Variants in MLLT3 observed in about 807,000 individuals in gnomAD.
MLLT3 encodes the protein protein AF-9.
Under a neutral mutation model 53.2 loss-of-function variants are expected in MLLT3, and 4 were observed. The ratio of observed to expected loss-of-function variants is 0.08; its 90% CI spans 0.04 to 0.17. The LOEUF (loss-of-function observed/expected upper bound fraction) is 0.17. MLLT3 is among the 10% of genes least tolerant of loss of function. The probability of loss-of-function intolerance (pLI) is 1.00; values close to 1 mark genes in which losing one functional copy is unlikely to be tolerated. For missense variants in MLLT3, 569 were observed against 684.0 expected (o/e 0.83, Z 1.87); for synonymous variants, 283 against 230.6 (o/e 1.23, Z -2.06).
At chr9:20,420,353 C>A (rs1822976515) in intron 4 of MLLT3, among the ~76,000 whole-genome samples, 1 of 151,924 alleles carries the variant, frequency 6.6e-6, no homozygotes, top group Non-Finnish European at 1.5e-5. Context: ...AAGGCTGTTA[C>A]AAGAAATACT....
chr9:20,508,728 A>C (rs1825446621), intron 2 of MLLT3, among the ~76,000 whole-genome samples: 1 of 152,214 alleles, frequency 6.6e-6, no homozygotes, highest in Admixed American at 6.5e-5. Flanking sequence ...GGCTAAAAAG[A>C]TTTGACATGT....
chr9:20,359,669 G>C (rs921366955), intron 8 of MLLT3, among the ~76,000 whole-genome samples: 2 of 152,186 alleles, frequency 1.3e-5, no homozygotes, highest in African/African-American at 4.8e-5. Flanking sequence ...AAAGTCTTCA[G>C]CTCTAAACTA....
chr9:20,606,296 A>G lies in MLLT3; in HGVS notation c.193+14358T>C, dbSNP rs1329820687. Among the ~76,000 whole-genome samples, 4 of 151,418 alleles carry G rather than the reference A, an allele frequency of 2.6e-5. No homozygotes were observed. In the East Asian group the frequency reaches 7.7e-4, roughly 29 times the overall value. ...GACTGGTTATTCAAGTCTTTTAAATACTATTTTATTGAGGGATTGCAGGAG... is the reference window on the plus strand; with the variant it reads ...GACTGGTTATTCAAGTCTTTTAAATGCTATTTTATTGAGGGATTGCAGGAG... On this transcript the variant is annotated intron_variant, in intron 2 of 10. Coordinates refer to ENST00000380338, the MANE Select transcript of MLLT3 (RefSeq NM_004529.4).
chr9:20,412,654 T>C lies in MLLT3; in HGVS notation c.1125+1067A>G, dbSNP rs546064761. ...GGACAGAAAGAAAAGTGTTCTAAGA[T>C]TGCCAGTTATTTTTAGCCAGATAGC... On this transcript the variant is annotated intron_variant, in intron 5 of 10. Transcript: ENST00000380338. 4.6e-5 allele frequency among the ~76,000 whole-genome samples: 7 copies of C among 152,288 alleles called. No individual in the cohort carries two copies. The East Asian group carries it at 1.2e-3, about 25-fold the overall frequency.
At chr9:20,584,253 T>C (rs1348671038) in intron 2 of MLLT3, among the ~76,000 whole-genome samples, 5 of 152,186 alleles carry the variant, frequency 3.3e-5, no homozygotes, top group Non-Finnish European at 7.3e-5. Context: ...GCCTAGACTT[T>C]ATTGTTCATA....
In MLLT3 at chr9:20,465,721, A is replaced by T. The variant is rs541347343; in HGVS notation, c.194-8935T>A. Among the ~76,000 whole-genome samples, 9 of 152,228 alleles carry T rather than the reference A, an allele frequency of 5.9e-5. 1 individual carries two copies. The highest frequency in any genetic ancestry group is 1.9e-4 in the African/African-American group (8 of 41,562). The stretch of plus-strand genomic sequence containing the variant: ...CTTCAGAGGAAGGATTAAGAACAAG[A>T]TTTCTTTTCAGCATCTTGTGAGCTC... On this transcript the variant is annotated intron_variant, in intron 2 of 10. Transcript: ENST00000380338.
intron 2 of MLLT3, among the ~76,000 whole-genome samples, chr9:20,519,372 A>G (rs1462670598): frequency 6.6e-6 from 1 of 152,168 alleles, no homozygotes; most frequent in Admixed American, 6.5e-5. Context: ...TGTAGACCTA[A>G]ATTTATTCCA....
At chr9:20,494,101 T>A (rs1467906101) in intron 2 of MLLT3, among the ~76,000 whole-genome samples, 1 of 152,114 alleles carries the variant, frequency 6.6e-6, no homozygotes, top group Non-Finnish European at 1.5e-5. Flanking sequence ...GATAACAAAG[T>A]CAAGCTGAAA....
chr9:20,618,204 T>C (rs930547951), intron 2 of MLLT3, among the ~76,000 whole-genome samples: 1 of 152,230 alleles, frequency 6.6e-6, no homozygotes, highest in Non-Finnish European at 1.5e-5. Flanking sequence ...CAATTTCCAA[T>C]TGGTAGAATT....
chr9:20,428,628 A>G lies in MLLT3; in HGVS notation c.421-14203T>C, dbSNP rs184049259. On this transcript the variant is annotated intron_variant, in intron 4 of 10. Coordinates refer to ENST00000380338, the MANE Select transcript of MLLT3 (RefSeq NM_004529.4). ...TGATGGATGATAAATGCACAGAAGA[A>G]TAATAAACTCAAGCAAAAGAAAGAC... Among the ~76,000 whole-genome samples the G allele has an allele frequency of 1.9e-3, 292 of 152,218 alleles. 2 individuals carry two copies. The highest frequency in any genetic ancestry group is 6.8e-3 in the Middle Eastern group (2 of 294).
intron 2 of MLLT3, among the ~76,000 whole-genome samples, chr9:20,525,219 G>A (rs185145692): frequency 5.9e-4 from 90 of 151,718 alleles, no homozygotes; most frequent in Non-Finnish European, 9.0e-4. Flanking sequence ...ATTCAAGGCC[G>A]GGCACAGTGG....
intron 8 of MLLT3, among the ~76,000 whole-genome samples, chr9:20,357,742 T>G (rs1821204758): frequency 6.6e-6 from 1 of 152,172 alleles, no homozygotes; most frequent in African/African-American, 2.4e-5. Flanking sequence ...CCTGGAAGAT[T>G]TGAGAAAAGG....
intron 2 of MLLT3, among the ~76,000 whole-genome samples, chr9:20,499,423 C>A (rs1323301450): frequency 6.6e-6 from 1 of 152,128 alleles, no homozygotes; most frequent in East Asian, 1.9e-4. Context: ...AGAGGGTACA[C>A]AGGATATTTC....
At chr9:20,588,758 T>A (rs1365804082) in intron 2 of MLLT3, among the ~76,000 whole-genome samples, 4 of 152,178 alleles carry the variant, frequency 2.6e-5, no homozygotes, top group Non-Finnish European at 5.9e-5. Context: ...ACAATGGGGT[T>A]TTCTAGATAT....
intron 4 of MLLT3, among the ~76,000 whole-genome samples, chr9:20,434,950 C>A (rs946671088): frequency 2.6e-5 from 4 of 152,074 alleles, no homozygotes; most frequent in Non-Finnish European, 5.9e-5. Flanking sequence ...GTTGTAGAAA[C>A]AAGACAATTT....
At chr9:20,394,708 T>C (rs1365495204) in intron 5 of MLLT3, among the ~76,000 whole-genome samples, 2 of 152,110 alleles carry the variant, frequency 1.3e-5, no homozygotes, top group Non-Finnish European at 2.9e-5. Context: ...GGCTGTAAGA[T>C]ACACTTTGTA....
chr9:20,445,528 T>C (rs1388929219), intron 4 of MLLT3, among the ~76,000 whole-genome samples: 1 of 152,214 alleles, frequency 6.6e-6, no homozygotes, highest in African/African-American at 2.4e-5. Flanking sequence ...CAAAAAGTTC[T>C]TTGGAATTAT....
chr9:20,414,205 T>C lies in MLLT3; in HGVS notation c.641A>G (p.His214Arg), dbSNP rs755348415. The C allele has an allele frequency of 4.3e-6, 7 of 1,614,230 alleles. No homozygotes were observed. The highest frequency in any genetic ancestry group is 1.3e-5 in the African/African-American group (1 of 75,066). The change falls in exon 5 of 11, where the codon CAT becomes CGT. Residue 214 changes from histidine to arginine, a missense_variant. Physicochemically the swap from His to Arg is conservative, Grantham distance 29. This residue lies in a region of MLLT3 where 437 missense variants were observed against 376.5 expected (regional missense o/e 1.16). Coordinates refer to ENST00000380338, the MANE Select transcript of MLLT3 (RefSeq NM_004529.4). Reference protein sequence around the residue: ...KEKPSKDSREHKSAFKEPSRD... With the variant: ...KEKPSKDSRERKSAFKEPSRD... ...GGAAGGTTCTTTGAAGGCACTTTTATGTTCTCTGGAGTCTTTAGAAGGTTT... is the reference window on the plus strand; with the variant it reads ...GGAAGGTTCTTTGAAGGCACTTTTACGTTCTCTGGAGTCTTTAGAAGGTTT...
chr9:20,435,426 CAAGGGTT>C (rs1334598767), intron 4 of MLLT3, among the ~76,000 whole-genome samples: 4 of 152,078 alleles, frequency 2.6e-5, no homozygotes, highest in African/African-American at 9.6e-5. Context: ...AAAAGTTGAC[CAAGGGTT>C]AAGGCTTGAT....
Sources: gnomAD v4.1 joint callset for allele counts (sites outside exome capture counted in the v4.1 genomes callset) on GRCh38, gnomAD v4.1.1 for gene constraint, gnomAD v4.1.1 regional missense constraint, MANE v1.5 for transcripts, NCBI Gene and HGNC (gene_info 2026-07-23, HGNC 2026-07-21) for gene names.